RIPOR2: variants seen among roughly 807,000 people sequenced by gnomAD.
The protein encoded by RIPOR2 is rho family-interacting cell polarization regulator 2.
Under a neutral mutation model 114.5 loss-of-function variants are expected in RIPOR2, and 39 were observed. The observed-to-expected ratio is 0.34, with a 90% CI of 0.26 to 0.44. The LOEUF (loss-of-function observed/expected upper bound fraction) is 0.44, where lower values mean the gene tolerates loss of function less well. RIPOR2 is among the 20% of genes least tolerant of loss of function. RIPOR2 has a pLI of 1.00. For missense variants in RIPOR2, 1,007 were observed against 1,255.1 expected, an observed-to-expected ratio of 0.80 and a Z score of 2.99; for synonymous variants, 445 against 484.4, an observed-to-expected ratio of 0.92 and a Z score of 1.07.
At position 25,030,209 on chromosome 6, in the gene RIPOR2, C is replaced by T. The variant is rs140528870; in HGVS notation, c.76+11642G>A. ...CAGGTTGTATAATCATATACAATGT[C>T]AAAGAAAAAAATGTAGGGTTGACGA... On this transcript the variant is annotated intron_variant, in intron 1 of 13. Coordinates refer to the RIPOR2 transcript ENST00000510784. Among the ~76,000 whole-genome samples the T allele has an allele frequency of 2.9e-3, 439 of 151,770 alleles. 2 individuals carry two copies. The highest frequency in any genetic ancestry group is 9.5e-3 in the African/African-American group (395 of 41,384).
chr6:24,932,115 A>C (rs908805030), intron 1 of RIPOR2: 1 of 152,240 alleles, frequency 6.6e-6, no homozygotes, highest in African/African-American at 2.4e-5. Context: ...TGTCAAGATC[A>C]CACAGTGACA....
intron 19 of RIPOR2, among the ~76,000 whole-genome samples, chr6:24,820,869 CTT>C (rs34770819): frequency 0.04 from 3,321 of 83,842 alleles, 33 homozygotes; most frequent in African/African-American, 0.08. Flanking sequence ...GTTTAACACT[CTT>C]TTTTTTTTTT....
At chr6:24,945,521 C>T (rs1228369890) in intron 1 of RIPOR2, among the ~76,000 whole-genome samples, 2 of 152,090 alleles carry the variant, frequency 1.3e-5, no homozygotes, top group Admixed American at 6.5e-5. Flanking sequence ...ATTTAAAAGA[C>T]AATTGCGTAA....
chr6:25,023,602 G>A, intron 1 of RIPOR2: 1 of 765,074 alleles, frequency 1.3e-6, no homozygotes, highest in Non-Finnish European at 2.4e-6. Context: ...TGAAGGCCTT[G>A]ATGTCTAAAT....
intron 1 of RIPOR2, among the ~76,000 whole-genome samples, chr6:24,969,955 G>A (rs912161660): frequency 6.6e-6 from 1 of 152,194 alleles, no homozygotes. Flanking sequence ...GAACTGTGCT[G>A]CACATGGTAG....
In RIPOR2 at chr6:24,860,925, A is replaced by C. The variant is rs768876304; in HGVS notation, c.715+48T>G. The C allele has an allele frequency of 2.4e-6, 3 of 1,241,110 alleles. No individual in the cohort carries two copies. In the Admixed American group the frequency reaches 5.7e-5, roughly 24 times the overall value. 76.9% of individuals were successfully genotyped at this position (1,241,110 alleles called of 1,614,324 possible). On this transcript the variant is annotated intron_variant, in intron 8 of 21. Transcript: ENST00000643898. ...GCTCTCAAACTTCAAGGAGCTCTGC[A>C]CTCTGCAGAGATGGCTCCTTATTCT...
intron 1 of RIPOR2, among the ~76,000 whole-genome samples, chr6:25,005,734 T>TACACATAC (rs1554130543): frequency 1.0e-5 from 1 of 97,682 alleles, no homozygotes; most frequent in African/African-American, 3.7e-5. Flanking sequence ...TATATATATA[T>TACACATAC]ATATATACAT....
chr6:24,970,841 G>A (rs965143734), intron 1 of RIPOR2, among the ~76,000 whole-genome samples: 1 of 152,122 alleles, frequency 6.6e-6, no homozygotes. Context: ...GTAGTCAGAC[G>A]GCCTGGCTTT....
chr6:24,956,206 A>G (rs1773037425), intron 1 of RIPOR2, among the ~76,000 whole-genome samples: 1 of 152,140 alleles, frequency 6.6e-6, no homozygotes, highest in Non-Finnish European at 1.5e-5. Context: ...CTGCACATTA[A>G]ATAAGTATTT....
At chr6:24,833,219 T>C (rs1760821082) in intron 15 of RIPOR2, among the ~76,000 whole-genome samples, 1 of 152,144 alleles carries the variant, frequency 6.6e-6, no homozygotes. Flanking sequence ...GTTTAAAGTA[T>C]TGGGACTCTA....
chr6:24,912,599 G>A (rs2114075228), intron 1 of RIPOR2, among the ~76,000 whole-genome samples: 1 of 152,152 alleles, frequency 6.6e-6, no homozygotes, highest in East Asian at 1.9e-4. Flanking sequence ...CTATTTACTG[G>A]AGTCTGGAGA....
At chr6:25,004,819 G>GTGCATGTAAATCTGCTGTCTTTGAAGGGA (rs573592874) in intron 1 of RIPOR2, among the ~76,000 whole-genome samples, 92 of 152,270 alleles carry the variant, frequency 6.0e-4, no homozygotes, top group Admixed American at 1.6e-3. Context: ...GCGCACGTGT[G>GTGCATGTAAATCTGCTGTCTTTGAAGGGA]TGCATGTAAA....
chr6:24,852,119 G>A (rs1011951593), intron 9 of RIPOR2, among the ~76,000 whole-genome samples: 7 of 152,002 alleles, frequency 4.6e-5, no homozygotes, highest in East Asian at 3.8e-4. Context: ...AAAATTAGCC[G>A]GCTGTGGTGG....
chr6:24,804,558 G>A lies in RIPOR2; in HGVS notation c.*1815C>T, dbSNP rs1416822881. On this transcript the variant is annotated 3_prime_UTR_variant, in exon 22 of 22. Coordinates refer to ENST00000643898, the MANE Select transcript of RIPOR2 (RefSeq NM_001286445.3). ...CTATAGGCTATACCTCCTAACTACA[G>A]ACTGTACAATGTACCTTTAAAGTGA... is the stretch of plus-strand genomic sequence containing the variant. The A allele has an allele frequency of 6.6e-6, 1 of 152,030 alleles. No individual in the cohort carries two copies. The highest frequency in any genetic ancestry group is 1.5e-5 in the Non-Finnish European group (1 of 68,022). 9.4% of individuals were successfully genotyped at this position (152,030 alleles called of 1,614,324 possible). A position where few individuals can be genotyped will look rare whatever the true frequency, so the allele number is the denominator to read the frequency against.
intron 17 of RIPOR2, among the ~76,000 whole-genome samples, chr6:24,829,845 T>C (rs888250482): frequency 1.3e-5 from 2 of 152,310 alleles, no homozygotes; most frequent in Admixed American, 1.3e-4. Context: ...GGGGGTATAT[T>C]GAGCTTTAGT....
intron 1 of RIPOR2, among the ~76,000 whole-genome samples, chr6:25,039,077 G>A (rs1217008854): frequency 6.6e-6 from 1 of 152,202 alleles, no homozygotes; most frequent in Non-Finnish European, 1.5e-5. Context: ...TTTTCTTAAT[G>A]ACAAAATAAC....
intron 1 of RIPOR2, among the ~76,000 whole-genome samples, chr6:25,002,284 T>C (rs1381783313): frequency 6.6e-6 from 1 of 152,216 alleles, no homozygotes; most frequent in Admixed American, 6.5e-5. Context: ...CCAAATACTA[T>C]GGTAAAGTAC....
intron 1 of RIPOR2, among the ~76,000 whole-genome samples, chr6:24,990,040 A>T (rs902327408): frequency 1.2e-4 from 18 of 152,304 alleles, no homozygotes; most frequent in African/African-American, 4.3e-4. Flanking sequence ...ATAAAAATAA[A>T]AAAAAATAAA....
In RIPOR2 at chr6:24,828,261, C is replaced by T; in HGVS notation, c.2541G>A (p.Arg847=). ...GGCTGGAGGAAAGCAGAGGCTCAGCCCGGTCCAGAATTTGGGACACCAGGG... is the reference window on the plus strand; with the variant it reads ...GGCTGGAGGAAAGCAGAGGCTCAGCTCGGTCCAGAATTTGGGACACCAGGG... The part of the protein sequence containing the change: ...FRTLVSQILD[R]AEPLLSSSLS... The change falls in exon 18 of 22, where the codon CGG becomes CGA. Residue 847 remains arginine, a synonymous_variant. Transcript: ENST00000643898. The T allele has an allele frequency of 6.4e-7, 1 of 1,550,608 alleles. No individual in the cohort carries two copies. The highest frequency in any genetic ancestry group is 8.7e-7 in the Non-Finnish European group (1 of 1,146,324).
Sources: allele counts gnomAD v4.1 joint callset (sites outside exome capture counted in the v4.1 genomes callset), GRCh38; gene constraint gnomAD v4.1.1; transcripts MANE v1.5; gene names NCBI Gene and HGNC (gene_info 2026-07-23, HGNC 2026-07-21).